Variants in REEP1 observed in about 807,000 individuals in gnomAD.
REEP1 encodes receptor accessory protein 1.
REEP1 carries 22 observed loss-of-function variants against 40.3 expected under a neutral mutation model. That is an observed-to-expected ratio of 0.55 (90% CI 0.39 to 0.78). The LOEUF (loss-of-function observed/expected upper bound fraction) is 0.78, where lower values mean the gene tolerates loss of function less well. REEP1 is among the 30% of genes least tolerant of loss of function. REEP1 has a pLI of 0.00. For synonymous variants in REEP1, 116 were observed against 139.2 expected, an observed-to-expected ratio of 0.83 and a Z score of 1.17; for missense variants, 280 against 361.1, an observed-to-expected ratio of 0.78 and a Z score of 1.82.
At chr2:86,327,042 T>C (rs1441292568) in intron 1 of REEP1, among the ~76,000 whole-genome samples, 1 of 152,232 alleles carries the variant, frequency 6.6e-6, no homozygotes, top group African/African-American at 2.4e-5. Context: ...TCCTTGTCTG[T>C]CGAACAAGGG....
chr2:86,261,066 C>A (rs557491909), intron 3 of REEP1, among the ~76,000 whole-genome samples: 1 of 152,236 alleles, frequency 6.6e-6, no homozygotes, highest in South Asian at 2.1e-4. Flanking sequence ...AGGAACACAG[C>A]CATCATTAGA....
At chr2:86,310,610 T>C (rs185825257) in intron 1 of REEP1, among the ~76,000 whole-genome samples, 1 of 152,296 alleles carries the variant, frequency 6.6e-6, no homozygotes, top group East Asian at 1.9e-4. Context: ...CTTTCCACCC[T>C]AAAGATCAAG....
chr2:86,302,132 T>TC (rs1479387021), intron 1 of REEP1, among the ~76,000 whole-genome samples: 4 of 152,214 alleles, frequency 2.6e-5, no homozygotes, highest in Middle Eastern at 3.4e-3. Context: ...CTTCCTTCCC[T>TC]CCCCTATTCC....
At chr2:86,312,287 A>G (rs556394337) in intron 1 of REEP1, among the ~76,000 whole-genome samples, 1 of 152,328 alleles carries the variant, frequency 6.6e-6, no homozygotes, top group South Asian at 2.1e-4. Flanking sequence ...TGGCTGCAGA[A>G]GGGAATCCAA....
intron 2 of REEP1, among the ~76,000 whole-genome samples, chr2:86,277,094 C>T (rs55654200): frequency 0.042 from 6,344 of 152,166 alleles, 449 homozygotes; most frequent in African/African-American, 0.14. Context: ...ACGATACTCA[C>T]GCCAGTAGGA....
intron 5 of REEP1, among the ~76,000 whole-genome samples, chr2:86,245,764 ATT>A (rs869240092): frequency 1.1e-4 from 15 of 133,850 alleles, no homozygotes; most frequent in Admixed American, 1.5e-4. Flanking sequence ...CATATACTCA[ATT>A]TTTTTTTTTT....
chr2:86,301,780 A>T (rs1191330332), intron 1 of REEP1, among the ~76,000 whole-genome samples: 1 of 152,244 alleles, frequency 6.6e-6, no homozygotes, highest in Non-Finnish European at 1.5e-5. Context: ...GTCAGCAAAA[A>T]TAAGCGAGAG....
intron 1 of REEP1, among the ~76,000 whole-genome samples, chr2:86,315,329 T>C (rs1361796359): frequency 6.6e-6 from 1 of 152,218 alleles, no homozygotes; most frequent in African/African-American, 2.4e-5. Context: ...GGCACTATGG[T>C]GCTCTCGTTT....
chr2:86,321,041 T>C (rs369333216), intron 1 of REEP1, among the ~76,000 whole-genome samples: 3 of 152,190 alleles, frequency 2.0e-5, no homozygotes, highest in African/African-American at 7.2e-5. Flanking sequence ...GGTCTTGAAC[T>C]CCTGACCTCA....
At chr2:86,317,276 C>A (rs1680061865) in intron 1 of REEP1, among the ~76,000 whole-genome samples, 1 of 152,044 alleles carries the variant, frequency 6.6e-6, no homozygotes. Context: ...AAAAAAAACA[C>A]CAATAAAGGA....
At chr2:86,254,854 C>T in intron 3 of REEP1, 40 bp from the exon 4 acceptor site, 2 of 1,609,800 alleles carry the variant, frequency 1.2e-6, no homozygotes, top group Non-Finnish European at 1.7e-6. Flanking sequence ...GTTAGGTTCT[C>T]AGCAACACTG....
intron 5 of REEP1, among the ~76,000 whole-genome samples, chr2:86,246,419 C>T (rs555041250): frequency 6.6e-6 from 1 of 152,290 alleles, no homozygotes; most frequent in South Asian, 2.1e-4. Context: ...CTTAGAGCAG[C>T]TTTCTTCAAT....
At chr2:86,268,017 A>AT (rs1180496384) in intron 2 of REEP1, among the ~76,000 whole-genome samples, 4 of 151,788 alleles carry the variant, frequency 2.6e-5, no homozygotes, top group African/African-American at 4.8e-5. Context: ...TAAAGAACAT[A>AT]TTTTTTTTAA....
chr2:86,246,876 T>C (rs1290083885), intron 5 of REEP1, among the ~76,000 whole-genome samples: 1 of 152,022 alleles, frequency 6.6e-6, no homozygotes, highest in Non-Finnish European at 1.5e-5. Flanking sequence ...TAATTTTGTA[T>C]TTTCAGTGGA....
At chr2:86,233,322 ATTTCT>A (rs561783574) in intron 5 of REEP1, among the ~76,000 whole-genome samples, 58 of 152,304 alleles carry the variant, frequency 3.8e-4, no homozygotes, top group African/African-American at 1.3e-3. Flanking sequence ...GACAACAGAA[ATTTCT>A]TTTATTTGTA....
intron 1 of REEP1, among the ~76,000 whole-genome samples, chr2:86,291,390 G>C (rs1488102040): frequency 6.6e-6 from 1 of 152,162 alleles, no homozygotes; most frequent in Non-Finnish European, 1.5e-5. Flanking sequence ...CTCCCGACCT[G>C]AGCTGATCTT....
chr2:86,223,517 G>C (rs1449116055), intron 7 of REEP1: 1 of 152,324 alleles, frequency 6.6e-6, no homozygotes, highest in Non-Finnish European at 1.5e-5. Flanking sequence ...ACCGAGGAGA[G>C]AGAAAAGAAC....
intron 2 of REEP1, among the ~76,000 whole-genome samples, chr2:86,271,495 G>T (rs1038494902): frequency 6.6e-6 from 1 of 152,082 alleles, no homozygotes; most frequent in Non-Finnish European, 1.5e-5. Flanking sequence ...CATCTTTAAA[G>T]TGCTAAAAGG....
chr2:86,295,447 T>C (rs1280046860), intron 1 of REEP1, among the ~76,000 whole-genome samples: 1 of 152,242 alleles, frequency 6.6e-6, no homozygotes, highest in Non-Finnish European at 1.5e-5. Context: ...TGAAGGGCAA[T>C]CCTCGGTAAT....
Sources: allele counts gnomAD v4.1 joint callset (sites outside exome capture counted in the v4.1 genomes callset), GRCh38; gene constraint gnomAD v4.1.1; transcripts MANE v1.5; gene names NCBI Gene and HGNC (gene_info 2026-07-23, HGNC 2026-07-21).